GMPS: variants seen among roughly 807,000 people sequenced by gnomAD.
GMPS encodes guanosine monophosphate synthase, also known as GMP synthase [glutamine-hydrolyzing].
GMPS carries 15 observed loss-of-function variants against 77.9 expected under a neutral mutation model. The observed-to-expected ratio is 0.19, with a 90% CI of 0.13 to 0.30. The LOEUF (loss-of-function observed/expected upper bound fraction) is 0.30, where lower values mean the gene tolerates loss of function less well. GMPS is among the 10% of genes least tolerant of loss of function. The pLI is 1.00. For missense variants in GMPS, 590 were observed against 838.8 expected, an observed-to-expected ratio of 0.70 and a Z score of 3.66; for synonymous variants, 224 against 275.9, an observed-to-expected ratio of 0.81 and a Z score of 1.86.
chr3:155,929,348 T>C (rs1009273043), intron 12 of GMPS, among the ~76,000 whole-genome samples: 1 of 152,208 alleles, frequency 6.6e-6, no homozygotes, highest in Non-Finnish European at 1.5e-5. Context: ...TTGAGAAGTA[T>C]TGATGGGACA....
chr3:155,903,782 AAT>A (rs2108090305), intron 3 of GMPS, 79 bp from the exon 4 acceptor site: 1 of 587,532 alleles, frequency 1.7e-6, no homozygotes, highest in East Asian at 2.9e-5. Flanking sequence ...GAAAAGAAAT[AAT>A]ATAAATTATT....
intron 7 of GMPS, among the ~76,000 whole-genome samples, chr3:155,912,897 A>T (rs1015427709): frequency 1.3e-5 from 2 of 152,154 alleles, no homozygotes; most frequent in African/African-American, 2.4e-5. Context: ...TAAAACAGGG[A>T]TTAGTTAAAA....
chr3:155,925,519 T>A (rs2108132125), intron 12 of GMPS, among the ~76,000 whole-genome samples, 153 bp downstream of exon 12: 1 of 152,196 alleles, frequency 6.6e-6, no homozygotes, highest in East Asian at 1.9e-4. Context: ...CTCTTTCTAC[T>A]AATCTTGAAA....
Position 155,893,625 on chromosome 3 carries a change from G to A in GMPS, c.135G>A (p.Val45=), listed in dbSNP as rs770992967. 6.2e-7 allele frequency: 1 copy of A among 1,611,100 alleles called. No homozygotes were observed. The highest frequency in any genetic ancestry group is 8.5e-7 in the Non-Finnish European group (1 of 1,177,296). The change falls in exon 2 of 16, where the codon GTG becomes GTA. Residue 45 remains valine (V), a synonymous_variant. Transcript: ENST00000496455. The stretch of plus-strand genomic sequence containing the variant: ...ACGGGAAAGTCATAGACCGAAGAGT[G>A]AGGGAACTGTTCGTGCAGTCTGAAA... ...AQYGKVIDRR[V]RELFVQSEIF... is the part of the protein sequence containing the mutation.
At position 155,941,171 on chromosome 3, in the gene GMPS, G is replaced by A. The variant is rs1755880199; in HGVS notation, c.*3479G>A. On this transcript the variant is annotated 3_prime_UTR_variant, in exon 16 of 16. Coordinates refer to ENST00000496455, the MANE Select transcript of GMPS (RefSeq NM_003875.3). ...TGTAATCCCAGCACTTTGGGAGGCC[G>A]AGGTGGGTGGATCACGAGATCAGGA... 2 of 178,604 alleles carry A rather than the reference G, an allele frequency of 1.1e-5. No homozygotes were observed. The highest frequency in any genetic ancestry group is 6.3e-5 in the Admixed American group (1 of 15,860). The allele number at this position is 178,604 out of a possible 1,614,324, so 11.1% of individuals were successfully genotyped here.
At chr3:155,908,636 G>T (rs10936020) in intron 5 of GMPS, among the ~76,000 whole-genome samples, 60,351 of 152,004 alleles carry the variant, frequency 0.4, 14,468 homozygotes, top group Non-Finnish European at 0.52. Flanking sequence ...CTGTTAGATT[G>T]AATATGGAGT....
intron 2 of GMPS, among the ~76,000 whole-genome samples, chr3:155,894,513 C>G (rs988433087): frequency 1.3e-5 from 2 of 152,090 alleles, no homozygotes; most frequent in African/African-American, 4.8e-5. Context: ...CGTGAGCCAC[C>G]GTGCCCGGCC....
Position 155,943,104 on chromosome 3 carries a change from G to A in GMPS, c.*5412G>A, listed in dbSNP as rs547972278. 2 of 175,818 alleles carry A rather than the reference G, an allele frequency of 1.1e-5. No individual in the cohort carries two copies. The highest frequency in any genetic ancestry group is 2.0e-4 in the South Asian group (1 of 5,006). The allele number at this position is 175,818 out of a possible 1,614,324, so 10.9% of individuals were successfully genotyped here. A position where few individuals can be genotyped will look rare whatever the true frequency, so the allele number is the denominator to read the frequency against. The stretch of plus-strand genomic sequence containing the variant: ...AAATTAGCTGGGCTTGGTGGCGCGC[G>A]CCTGTAATCCCAGCTACTCGGAAGG... On this transcript the variant is annotated 3_prime_UTR_variant, in exon 16 of 16. Coordinates refer to ENST00000496455, the MANE Select transcript of GMPS (RefSeq NM_003875.3).
chr3:155,915,912 C>G (rs539730655), intron 8 of GMPS, 107 bp from the exon 9 acceptor site: 1 of 683,396 alleles, frequency 1.5e-6, no homozygotes, highest in Non-Finnish European at 2.5e-6. Context: ...ATTTTATTTT[C>G]TGATCAGTAT....
chr3:155,937,826 C>T lies in GMPS; in HGVS notation c.*134C>T, dbSNP rs975050347. 101 of 594,054 alleles carry T rather than the reference C, an allele frequency of 1.7e-4. No individual in the cohort carries two copies. Among genetic ancestry groups the T allele is most frequent in the African/African-American group, 2.4e-4 (13 of 53,806 alleles). The allele number at this position is 594,054 out of a possible 1,614,324, so 36.8% of individuals were successfully genotyped here. A position where few individuals can be genotyped will look rare whatever the true frequency, so the allele number is the denominator to read the frequency against. The stretch of plus-strand genomic sequence containing the variant: ...CATCTGAGTTCTCCACAGCAAAAAT[C>T]TACGGCTTAAGAGCTGAGTTGGGGA... On this transcript the variant is annotated 3_prime_UTR_variant, in exon 16 of 16. Transcript: ENST00000496455.
At chr3:155,872,779 C>T (rs1453470980) in intron 1 of GMPS, among the ~76,000 whole-genome samples, 2 of 152,090 alleles carry the variant, frequency 1.3e-5, no homozygotes, top group Non-Finnish European at 2.9e-5. Context: ...ACTATGTTAA[C>T]AATTAGTTGT....
At chr3:155,920,873 G>A (rs986051715) in intron 10 of GMPS, among the ~76,000 whole-genome samples, 1 of 152,174 alleles carries the variant, frequency 6.6e-6, no homozygotes, top group African/African-American at 2.4e-5. Context: ...TGCCTTTTCT[G>A]TTGTAGTAAA....
chr3:155,877,999 C>G (rs548472098), intron 1 of GMPS, among the ~76,000 whole-genome samples: 116 of 152,156 alleles, frequency 7.6e-4, no homozygotes, highest in African/African-American at 2.7e-3. Flanking sequence ...GTCATGAGCT[C>G]CTGACCTCAG....
upstream of GMPS, chr3:155,870,619 G>A: frequency 2.2e-6 from 1 of 456,138 alleles, no homozygotes; most frequent in East Asian, 3.7e-5. Flanking sequence ...CCTCCCAGTG[G>A]CCGGCCGGGG....
At chr3:155,932,314 A>C (rs191482164) in intron 13 of GMPS, among the ~76,000 whole-genome samples, 3,944 of 146,406 alleles carry the variant, frequency 0.027, 54 homozygotes, top group Non-Finnish European at 0.038. Context: ...ACACACACAC[A>C]CCCCTACAAA....
chr3:155,896,492 A>G (rs1361972315), intron 2 of GMPS, among the ~76,000 whole-genome samples: 4 of 152,146 alleles, frequency 2.6e-5, no homozygotes, highest in Non-Finnish European at 4.4e-5. Flanking sequence ...ACAAAGTTCA[A>G]AAGGTGCTTT....
intron 14 of GMPS, among the ~76,000 whole-genome samples, chr3:155,936,097 C>T (rs974427112): frequency 6.6e-6 from 1 of 152,086 alleles, no homozygotes; most frequent in Non-Finnish European, 1.5e-5. Flanking sequence ...TGAGACTGGA[C>T]TGTTTCTGTT....
intron 11 of GMPS, among the ~76,000 whole-genome samples, chr3:155,924,899 A>G (rs548827175): frequency 5.3e-5 from 8 of 152,360 alleles, no homozygotes; most frequent in African/African-American, 1.7e-4. Flanking sequence ...AATAAAAAAA[A>G]AGAAATGGCT....
chr3:155,883,065 T>C (rs1577501018), intron 1 of GMPS, among the ~76,000 whole-genome samples: 1 of 152,092 alleles, frequency 6.6e-6, no homozygotes, highest in East Asian at 1.9e-4. Context: ...TTACTTGAAG[T>C]TTAATTTTTT....
Sources: gnomAD v4.1 joint callset for allele counts (sites outside exome capture counted in the v4.1 genomes callset) on GRCh38, gnomAD v4.1.1 for gene constraint, MANE v1.5 for transcripts, NCBI Gene and HGNC (gene_info 2026-07-23, HGNC 2026-07-21) for gene names.